GPC6: variants seen among roughly 807,000 people sequenced by gnomAD.
The protein encoded by GPC6 is glypican-6.
In GPC6, 14 loss-of-function variants were observed where a neutral mutation model predicts 55.2. The observed-to-expected ratio is 0.25, with a 90% CI of 0.17 to 0.40. The LOEUF (loss-of-function observed/expected upper bound fraction) is 0.40, where lower values mean the gene tolerates loss of function less well. GPC6 is among the 10% of genes least tolerant of loss of function. GPC6 has a pLI of 1.00. For synonymous variants in GPC6, 278 were observed against 259.6 expected (o/e 1.07, Z -0.68); for missense variants, 641 against 708.5 (o/e 0.90, Z 1.08).
At chr13:94,001,541 C>A (rs1400973395) in intron 3 of GPC6, among the ~76,000 whole-genome samples, 3 of 151,960 alleles carry the variant, frequency 2.0e-5, no homozygotes, top group African/African-American at 7.2e-5. Flanking sequence ...TAGAATTTAG[C>A]TAAAATCTAG....
At chr13:93,775,054 A>G (rs974485222) in intron 2 of GPC6, among the ~76,000 whole-genome samples, 1 of 152,206 alleles carries the variant, frequency 6.6e-6, no homozygotes, top group Non-Finnish European at 1.5e-5. Flanking sequence ...AAAGTGCTGC[A>G]TATATAATAG....
At chr13:93,588,765 C>T (rs893825081) in intron 2 of GPC6, among the ~76,000 whole-genome samples, 1 of 152,142 alleles carries the variant, frequency 6.6e-6, no homozygotes, top group Non-Finnish European at 1.5e-5. Flanking sequence ...TAGGAATCTG[C>T]CCCCATGACC....
intron 7 of GPC6, among the ~76,000 whole-genome samples, chr13:94,396,020 C>T (rs1439383081): frequency 6.6e-6 from 1 of 152,190 alleles, no homozygotes; most frequent in Non-Finnish European, 1.5e-5. Flanking sequence ...CTGCCCCGGT[C>T]CCCTCCCTGA....
chr13:93,738,936 T>TACACAC (rs56928879), intron 2 of GPC6, among the ~76,000 whole-genome samples: 3,622 of 145,540 alleles, frequency 0.025, 55 homozygotes, highest in Middle Eastern at 0.073. Context: ...CACTTGGTTT[T>TACACAC]ACACACACAC....
intron 1 of GPC6, chr13:93,395,468 A>G (rs900441723): frequency 4.6e-6 from 1 of 217,904 alleles, no homozygotes; most frequent in African/African-American, 2.3e-5. Flanking sequence ...TATTTCAATC[A>G]CATCAATTTT....
chr13:93,597,973 A>G (rs541243643), intron 2 of GPC6, among the ~76,000 whole-genome samples: 2 of 152,074 alleles, frequency 1.3e-5, no homozygotes, highest in South Asian at 2.1e-4. Context: ...GTGAAACCCC[A>G]TCTCTACTAA....
chr13:93,893,101 C>T, intron 3 of GPC6, among the ~76,000 whole-genome samples: 1 of 150,962 alleles, frequency 6.6e-6, no homozygotes, highest in East Asian at 1.9e-4. Context: ...CTCTCATCGC[C>T]CAGGCTGGAG....
At position 94,403,456 on chromosome 13, in the gene GPC6, C is replaced by T. The variant is rs1234423292; in HGVS notation, c.*239C>T. 5.6e-6 allele frequency: 3 copies of T among 534,992 alleles called. No individual in the cohort carries two copies. Among genetic ancestry groups the T allele is most frequent in the Non-Finnish European group, 1.0e-5 (3 of 297,174 alleles). 33.1% of individuals were successfully genotyped at this position (534,992 alleles called of 1,614,324 possible). A position where few individuals can be genotyped will look rare whatever the true frequency, so the allele number is the denominator to read the frequency against. On this transcript the variant is annotated 3_prime_UTR_variant, in exon 9 of 9. Coordinates refer to ENST00000377047, the MANE Select transcript of GPC6 (RefSeq NM_005708.5). ...GACCTTGTTTATTCTAGAGAGAATT[C>T]TTACTCAAATTTTTCGTACCAGGAG...
chr13:93,687,432 C>A (rs1045239392), intron 2 of GPC6, among the ~76,000 whole-genome samples: 1 of 151,994 alleles, frequency 6.6e-6, no homozygotes, highest in Admixed American at 6.6e-5. Flanking sequence ...ATGAATCAGT[C>A]CCAGCACTTA....
intron 6 of GPC6, among the ~76,000 whole-genome samples, chr13:94,342,360 CT>C (rs1323344501): frequency 6.6e-6 from 1 of 152,128 alleles, no homozygotes; most frequent in African/African-American, 2.4e-5. Context: ...CAATGACTGG[CT>C]TCCTAATAAG....
At chr13:94,230,966 A>G (rs1011192214) in intron 4 of GPC6, among the ~76,000 whole-genome samples, 4 of 152,102 alleles carry the variant, frequency 2.6e-5, no homozygotes, top group African/African-American at 9.7e-5. Context: ...GGGGGAAGGG[A>G]GACAGGGAGA....
chr13:94,306,230 T>C (rs1875940001), intron 6 of GPC6, 107 bp downstream of exon 6: 1 of 1,032,618 alleles, frequency 9.7e-7, no homozygotes, highest in Non-Finnish European at 1.5e-6. Context: ...AGTCATCTCA[T>C]GCTTATATCT....
At chr13:93,775,732 A>C (rs1885444989) in intron 2 of GPC6, among the ~76,000 whole-genome samples, 1 of 152,146 alleles carries the variant, frequency 6.6e-6, no homozygotes, top group Admixed American at 6.6e-5. Flanking sequence ...GTGTTCAAAA[A>C]CAGTTGGACT....
intron 3 of GPC6, among the ~76,000 whole-genome samples, chr13:93,841,465 A>G (rs1887953112): frequency 6.6e-6 from 1 of 152,170 alleles, no homozygotes; most frequent in Non-Finnish European, 1.5e-5. Context: ...GATGAGTGAT[A>G]TTCAGCACAA....
At chr13:93,520,912 C>T (rs116124069) in intron 1 of GPC6, among the ~76,000 whole-genome samples, 2,221 of 151,856 alleles carry the variant, frequency 0.015, 44 homozygotes, top group African/African-American at 0.049. Flanking sequence ...ACTTCTGTCT[C>T]GGAACTGATG....
intron 1 of GPC6, among the ~76,000 whole-genome samples, chr13:93,307,857 T>C (rs1388450428): frequency 3.3e-5 from 5 of 152,218 alleles, no homozygotes; most frequent in South Asian, 4.1e-4. Context: ...ACAAAAATGA[T>C]GACTGCAAGT....
Position 93,400,220 on chromosome 13 carries a change from T to A in GPC6, c.161-145043T>A, listed in dbSNP as rs541421783. 2.6e-5 allele frequency among the ~76,000 whole-genome samples: 4 copies of A among 152,238 alleles called. No homozygotes were observed. The South Asian group carries it at 8.3e-4, about 32-fold the overall frequency. Reference sequence around the variant, plus strand: ...ATGAATTCTTTCTTCCCTTCCTTTTTACCGTCTTCCTTTCCTTTTCCTTCC... The same window carrying A: ...ATGAATTCTTTCTTCCCTTCCTTTTAACCGTCTTCCTTTCCTTTTCCTTCC... On this transcript the variant is annotated intron_variant, in intron 1 of 8. Transcript: ENST00000377047.
intron 3 of GPC6, among the ~76,000 whole-genome samples, chr13:93,978,674 GT>G (rs768474218): frequency 2.0e-5 from 3 of 151,984 alleles, no homozygotes; most frequent in South Asian, 2.1e-4. Context: ...TCAATGTGAG[GT>G]TTTTTTCATG....
intron 1 of GPC6, among the ~76,000 whole-genome samples, chr13:93,392,863 T>G (rs959300660): frequency 6.6e-6 from 1 of 152,120 alleles, no homozygotes; most frequent in African/African-American, 2.4e-5. Flanking sequence ...TTTGGGAAGA[T>G]ATGTGTGATT....
Sources: gnomAD v4.1 joint callset for allele counts (sites outside exome capture counted in the v4.1 genomes callset) on GRCh38, gnomAD v4.1.1 for gene constraint, MANE v1.5 for transcripts, NCBI Gene and HGNC (gene_info 2026-07-23, HGNC 2026-07-21) for gene names.